NBPF26: variants seen among roughly 807,000 people sequenced by gnomAD.
NBPF26 encodes the protein NBPF family member NBPF26.
NBPF26 carries 79 observed loss-of-function variants against 119.6 expected under a neutral mutation model. The ratio of observed to expected loss-of-function variants is 0.66; its 90% CI spans 0.55 to 0.80. NBPF26 has a LOEUF of 0.80. Ranked by LOEUF, NBPF26 falls within the 30% of genes least tolerant of loss-of-function variation. The pLI is 0.00. For missense variants in NBPF26, 800 were observed against 1,198.2 expected, an observed-to-expected ratio of 0.67 and a Z score of 4.91; for synonymous variants, 299 against 457.7, an observed-to-expected ratio of 0.65 and a Z score of 4.43.
chr1:120,724,630 G>C (rs1241788009), intron 1 of NBPF26, among the ~76,000 whole-genome samples: 1 of 121,304 alleles, frequency 8.2e-6, no homozygotes, highest in Non-Finnish European at 1.6e-5. Flanking sequence ...GCCTCGGAGG[G>C]GCTGAGCGAA....
chr1:120,833,365 T>TCCTC (rs1553272999), intron 23 of NBPF26, among the ~76,000 whole-genome samples: 1 of 33,526 alleles, frequency 3.0e-5, no homozygotes, highest in African/African-American at 5.1e-4. Context: ...CTAGGTCACT[T>TCCTC]TCTCTCTGTC....
In NBPF26 at chr1:120,756,485, C is replaced by T. The variant is rs1253452075; in HGVS notation, c.74-7143C>T. Among the ~76,000 whole-genome samples, 9 of 117,226 alleles carry T rather than the reference C, an allele frequency of 7.7e-5. 3 individuals are homozygous for T. The highest frequency in any genetic ancestry group is 5.7e-4 in the Admixed American group (7 of 12,310). The allele number at this position is 117,226 out of a possible 152,430, so 76.9% of individuals were successfully genotyped here. A position where few individuals can be genotyped will look rare whatever the true frequency, so the allele number is the denominator to read the frequency against. ...GCAGTGGGTCTAAGCACAGATACCACACTGCAGATAGGGAGAAGGATATGA... is the reference window on the plus strand; with the variant it reads ...GCAGTGGGTCTAAGCACAGATACCATACTGCAGATAGGGAGAAGGATATGA... On this transcript the variant is annotated intron_variant, in intron 1 of 29. Transcript: ENST00000620612.
In NBPF26 at chr1:120,823,894, C is replaced by G. The variant is rs1553272379; in HGVS notation, c.2640-80C>G. ...CTTTTTCTTTTCAAACTCTTCCTTA[C>G]ATTAGCCATGAAATCTAGCTGGGGC... On this transcript the variant is annotated intron_variant, in intron 17 of 29. Coordinates refer to ENST00000620612, the Ensembl canonical transcript of NBPF26. The G allele has an allele frequency of 3.6e-5, 17 of 474,646 alleles. 3 individuals are homozygous for G. Among genetic ancestry groups the G allele is most frequent in the Admixed American group, 1.6e-4 (5 of 30,672 alleles). 29.4% of individuals were successfully genotyped at this position (474,646 alleles called of 1,614,324 possible). A position where few individuals can be genotyped will look rare whatever the true frequency, so the allele number is the denominator to read the frequency against.
In NBPF26 at chr1:120,840,199, A is replaced by G. The variant is rs1221434725; in HGVS notation, c.4104-151A>G. On this transcript the variant is annotated intron_variant, in intron 29 of 29. Coordinates refer to ENST00000620612, the Ensembl canonical transcript of NBPF26. ...TTCTACCTGGCCCTGTTCTATCCCA[A>G]CATAAAGGCAATAAATTTTTTTTTT... Among the ~76,000 whole-genome samples the G allele has an allele frequency of 4.4e-4, 42 of 94,984 alleles. 11 individuals are homozygous for G. The highest frequency in any genetic ancestry group is 2.9e-3 in the African/African-American group (40 of 13,770). 62.3% of individuals were successfully genotyped at this position (94,984 alleles called of 152,430 possible). A position where few individuals can be genotyped will look rare whatever the true frequency, so the allele number is the denominator to read the frequency against.
chr1:120,809,435 TC>T (rs1195345151), intron 7 of NBPF26, among the ~76,000 whole-genome samples: 1 of 148,184 alleles, frequency 6.7e-6, no homozygotes, highest in African/African-American at 2.5e-5. Flanking sequence ...GTTTGTCCTC[TC>T]CTAAGAGAAA....
Position 120,726,230 on chromosome 1 carries a change from CAAGTT to C in NBPF26, c.73+1981_73+1985del, listed in dbSNP as rs1313131152. Among the ~76,000 whole-genome samples, 3 of 79,058 alleles carry C rather than the reference CAAGTT, an allele frequency of 3.8e-5. 1 individual carries two copies. The highest frequency in any genetic ancestry group is 6.8e-5 in the Non-Finnish European group (3 of 44,236). 51.9% of individuals were successfully genotyped at this position (79,058 alleles called of 152,430 possible). A position where few individuals can be genotyped will look rare whatever the true frequency, so the allele number is the denominator to read the frequency against. On this transcript the variant is annotated intron_variant, in intron 1 of 29. Transcript: ENST00000620612. ...GATTATTAGCTAGCTTTTAGGTAGT[CAAGTT>C]GAGTGTTAGTCAAGTTGACTCAAAG... is the stretch of plus-strand genomic sequence containing the variant.
rs1402724104 is a variant in NBPF26 at position 120,787,198 on chromosome 1, T to TTA, written c.415+1976_415+1977dup. Among the ~76,000 whole-genome samples, 46 of 82,942 alleles carry TTA rather than the reference T, an allele frequency of 5.5e-4. 9 individuals are homozygous for TTA. Among genetic ancestry groups the TTA allele is most frequent in the African/African-American group, 3.6e-3 (37 of 10,208 alleles). 54.4% of individuals were successfully genotyped at this position (82,942 alleles called of 152,430 possible). A position where few individuals can be genotyped will look rare whatever the true frequency, so the allele number is the denominator to read the frequency against. On this transcript the variant is annotated intron_variant, in intron 3 of 29. Coordinates refer to ENST00000620612, the Ensembl canonical transcript of NBPF26. ...CTTAATATATATATATTGGCAATCTTTATATATATATAAAGGAGAGTTTGT... is the reference window on the plus strand; with the variant it reads ...CTTAATATATATATATTGGCAATCTTTATATATATATATAAAGGAGAGTTTGT...
intron 18 of NBPF26, among the ~76,000 whole-genome samples, chr1:120,825,228 G>A (rs1571046027): frequency 8.1e-6 from 1 of 122,794 alleles, no homozygotes; most frequent in Admixed American, 7.6e-5. Flanking sequence ...TGTCCCGAGG[G>A]CACTAACTCA....
chr1:120,804,697 C>T (rs1571032630), intron 4 of NBPF26, among the ~76,000 whole-genome samples: 1 of 117,730 alleles, frequency 8.5e-6, no homozygotes, highest in East Asian at 2.1e-4. Flanking sequence ...AACACATCAA[C>T]CCACATAGAG....
chr1:120,840,634 G>A (rs1553273607), downstream of NBPF26: 912 of 1,452,004 alleles, frequency 6.3e-4, 183 homozygotes, highest in Non-Finnish European at 7.6e-4. Flanking sequence ...CCTGCAGGCA[G>A]GACCTATAGG....
rs1553270052 is a variant in NBPF26 at position 120,806,457 on chromosome 1, G to C, written c.961+692G>C. The stretch of plus-strand genomic sequence containing the variant: ...AAAATACAAAAAGTAGATGGGCATC[G>C]TGGCGGGCAACTGTAATCACCACTA... On this transcript the variant is annotated intron_variant, in intron 5 of 29. Coordinates refer to ENST00000620612, the Ensembl canonical transcript of NBPF26. 3.0e-4 allele frequency among the ~76,000 whole-genome samples: 35 copies of C among 116,054 alleles called. 5 individuals carry two copies. Among genetic ancestry groups the C allele is most frequent in the Middle Eastern group, 3.8e-3 (1 of 264 alleles). The allele number at this position is 116,054 out of a possible 152,430, so 76.1% of individuals were successfully genotyped here.
chr1:120,814,706 C>G (rs1281765620), intron 11 of NBPF26, 123 bp from the exon 12 acceptor site: 1 of 643,314 alleles, frequency 1.6e-6, no homozygotes, highest in East Asian at 2.5e-5. Flanking sequence ...TTCCTTTAAA[C>G]ATGTGCTGAC....
At chr1:120,805,662 G>A in exon 5 of NBPF26, 1 of 1,457,776 alleles carries the variant, frequency 6.9e-7, no homozygotes. Flanking sequence ...ACGAGACATT[G>A]CGCCCCCAGC....
chr1:120,821,803 C>T (rs1652123669), intron 15 of NBPF26, among the ~76,000 whole-genome samples: 3 of 104,074 alleles, frequency 2.9e-5, no homozygotes, highest in Admixed American at 2.8e-4. Context: ...GTAGTTGAAG[C>T]CCTGTGTCAG....
rs1311529346 is a variant in NBPF26 at position 120,794,255 on chromosome 1, G to T, written c.751+759G>T. Reference sequence around the variant, plus strand: ...GAGGAGCAGTGTCGGGGAGCTTGGGGCCTGGTGTTCCATGGAGAGGGAGAA... The same window carrying T: ...GAGGAGCAGTGTCGGGGAGCTTGGGTCCTGGTGTTCCATGGAGAGGGAGAA... On this transcript the variant is annotated intron_variant, in intron 4 of 29. Transcript: ENST00000620612. Among the ~76,000 whole-genome samples, 2 of 112,700 alleles carry T rather than the reference G, an allele frequency of 1.8e-5. 1 individual carries two copies. The highest frequency in any genetic ancestry group is 3.4e-5 in the Non-Finnish European group (2 of 59,648). 73.9% of individuals were successfully genotyped at this position (112,700 alleles called of 152,430 possible).
chr1:120,803,299 C>T (rs1288610813), intron 4 of NBPF26, among the ~76,000 whole-genome samples: 5 of 138,054 alleles, frequency 3.6e-5, no homozygotes, highest in Non-Finnish European at 7.8e-5. Context: ...GTAAAATCTT[C>T]TCCATAAGAC....
chr1:120,793,795 G>C, intron 4 of NBPF26: 2 of 1,011,588 alleles, frequency 2.0e-6, no homozygotes, highest in South Asian at 1.3e-5. Context: ...AGACAGGCAA[G>C]TCTGGAATGG....
At chr1:120,823,517 C>G (rs1302607451) in intron 17 of NBPF26, among the ~76,000 whole-genome samples, 157 bp downstream of exon 17, 83,792 of 103,238 alleles carry the variant, frequency 0.81, 37,218 homozygotes, top group African/African-American at 0.92. Context: ...TAGAGTAAAT[C>G]TTTAGGTTTC....
chr1:120,727,441 C>T lies in NBPF26; in HGVS notation c.73+3191C>T, dbSNP rs1207346739. ...ACATAAGAGATATAGAATATAATGT[C>T]ATTTCTTCTGTTTATCTGGGTGCAG... is the stretch of plus-strand genomic sequence containing the variant. On this transcript the variant is annotated intron_variant, in intron 1 of 29. Transcript: ENST00000620612. Among the ~76,000 whole-genome samples the T allele has an allele frequency of 1.2e-4, 14 of 114,752 alleles. 4 individuals are homozygous for T. The highest frequency in any genetic ancestry group is 7.7e-4 in the South Asian group (3 of 3,916). 75.3% of individuals were successfully genotyped at this position (114,752 alleles called of 152,430 possible).
Sources: allele counts gnomAD v4.1 joint callset (sites outside exome capture counted in the v4.1 genomes callset), GRCh38; gene constraint gnomAD v4.1.1; transcripts MANE v1.5; gene names NCBI Gene and HGNC (gene_info 2026-07-23, HGNC 2026-07-21).